PDE4D: variants seen among roughly 807,000 people sequenced by gnomAD.
PDE4D encodes the protein phosphodiesterase 4D, also known as 3',5'-cyclic-AMP phosphodiesterase 4D.
Under a neutral mutation model 87.4 loss-of-function variants are expected in PDE4D, and 24 were observed. The observed-to-expected ratio is 0.27, with a 90% CI of 0.20 to 0.39. PDE4D has a LOEUF of 0.39. Among genes scored for constraint, PDE4D ranks in the 10% least tolerant of loss-of-function variants. PDE4D has a pLI of 1.00. For synonymous variants in PDE4D, 384 were observed against 383.2 expected, an observed-to-expected ratio of 1.00 and a Z score of -0.02; for missense variants, 714 against 1,041.0, an observed-to-expected ratio of 0.69 and a Z score of 4.32.
intron 1 of PDE4D, among the ~76,000 whole-genome samples, chr5:59,765,703 A>G (rs549661391): frequency 2.0e-4 from 31 of 152,334 alleles, no homozygotes; most frequent in African/African-American, 7.5e-4. Flanking sequence ...ACAGGATGGT[A>G]GAATTCCAGG....
chr5:60,415,570 C>A (rs528106848), intron 1 of PDE4D, among the ~76,000 whole-genome samples: 31 of 152,360 alleles, frequency 2.0e-4, no homozygotes, highest in African/African-American at 7.2e-4. Context: ...GGCCCCGCCA[C>A]CCCGGGCAGT....
chr5:59,359,749 T>C (rs1781915195), intron 1 of PDE4D, among the ~76,000 whole-genome samples: 1 of 151,978 alleles, frequency 6.6e-6, no homozygotes, highest in Non-Finnish European at 1.5e-5. Flanking sequence ...CTAATTACTG[T>C]CATTTATTAA....
intron 1 of PDE4D, among the ~76,000 whole-genome samples, chr5:59,614,482 GCTT>G (rs1331283493): frequency 6.6e-6 from 1 of 152,116 alleles, no homozygotes; most frequent in African/African-American, 2.4e-5. Flanking sequence ...GTGCAGCATT[GCTT>G]CTATTATTGC....
chr5:58,978,841 C>T (rs1339732481), intron 11 of PDE4D, among the ~76,000 whole-genome samples: 1 of 151,842 alleles, frequency 6.6e-6, no homozygotes, highest in South Asian at 2.1e-4. Context: ...CCTTTATGAA[C>T]CTTTATCTAC....
intron 1 of PDE4D, among the ~76,000 whole-genome samples, chr5:59,392,135 G>C (rs1276882693): frequency 6.6e-6 from 1 of 151,832 alleles, no homozygotes; most frequent in Admixed American, 6.6e-5. Flanking sequence ...GTGAACTTGA[G>C]TGGATGGAAG....
intron 1 of PDE4D, among the ~76,000 whole-genome samples, chr5:60,503,083 C>T (rs867616423): frequency 2.4e-4 from 36 of 152,120 alleles, no homozygotes; most frequent in Middle Eastern, 3.4e-3. Flanking sequence ...ATCACTCAAA[C>T]GTCCATATCT....
chr5:59,970,936 A>G (rs1368269712), intron 3 of PDE4D, among the ~76,000 whole-genome samples: 10 of 150,440 alleles, frequency 6.6e-5, no homozygotes, highest in African/African-American at 2.4e-4. Context: ...TATTCACAAT[A>G]GCAAAGACTT....
chr5:60,381,914 G>C (rs995003680), intron 1 of PDE4D, among the ~76,000 whole-genome samples: 1 of 152,114 alleles, frequency 6.6e-6, no homozygotes, highest in Non-Finnish European at 1.5e-5. Flanking sequence ...AAACTTGGCT[G>C]TCTACATATG....
At chr5:58,996,728 T>C (rs1749325049) in intron 6 of PDE4D, among the ~76,000 whole-genome samples, 1 of 152,216 alleles carries the variant, frequency 6.6e-6, no homozygotes, top group Non-Finnish European at 1.5e-5. Context: ...ATATGCTACA[T>C]ATATTATTGG....
At chr5:59,316,924 T>C (rs1444019931) in intron 1 of PDE4D, among the ~76,000 whole-genome samples, 1 of 152,184 alleles carries the variant, frequency 6.6e-6, no homozygotes, top group Non-Finnish European at 1.5e-5. Context: ...CTCCAAAACC[T>C]GCCAGGTTCA....
intron 1 of PDE4D, among the ~76,000 whole-genome samples, chr5:59,603,782 T>G (rs1827830047): frequency 6.6e-6 from 1 of 151,920 alleles, no homozygotes; most frequent in Non-Finnish European, 1.5e-5. Context: ...GTGATATTGA[T>G]CAAAGGAAAC....
chr5:60,340,364 T>C (rs1263457040), intron 1 of PDE4D, among the ~76,000 whole-genome samples: 5 of 152,052 alleles, frequency 3.3e-5, no homozygotes, highest in Admixed American at 6.6e-5. Context: ...GAGTGGATAG[T>C]CTTCTCATCC....
intron 1 of PDE4D, among the ~76,000 whole-genome samples, chr5:59,733,479 A>C (rs1757665794): frequency 6.6e-6 from 1 of 152,088 alleles, no homozygotes; most frequent in Non-Finnish European, 1.5e-5. Context: ...GATGTACATG[A>C]ATTATAATCT....
At chr5:60,517,718 G>T (rs907018746) in intron 1 of PDE4D, among the ~76,000 whole-genome samples, 6 of 152,150 alleles carry the variant, frequency 3.9e-5, no homozygotes, top group Non-Finnish European at 8.8e-5. Flanking sequence ...CCCACTTCAG[G>T]TCTCCTGGGA....
At chr5:60,049,622 G>A (rs1157826799) in intron 2 of PDE4D, among the ~76,000 whole-genome samples, 5 of 152,208 alleles carry the variant, frequency 3.3e-5, no homozygotes, top group Non-Finnish European at 7.3e-5. Context: ...GGAGTACCCA[G>A]CCGTGTGAGG....
chr5:59,881,977 AG>A (rs751293801), intron 1 of PDE4D, among the ~76,000 whole-genome samples: 14 of 152,184 alleles, frequency 9.2e-5, no homozygotes, highest in Non-Finnish European at 1.9e-4. Context: ...CAAGACATAA[AG>A]AAGCACATAA....
intron 1 of PDE4D, among the ~76,000 whole-genome samples, chr5:59,848,502 A>G (rs1458267000): frequency 6.6e-6 from 1 of 152,074 alleles, no homozygotes; most frequent in Non-Finnish European, 1.5e-5. Context: ...AATGATGTTC[A>G]CAAAAAAATT....
intron 1 of PDE4D, among the ~76,000 whole-genome samples, chr5:59,229,472 C>A (rs1173358279): frequency 2.0e-5 from 3 of 152,160 alleles, no homozygotes; most frequent in Admixed American, 2.0e-4. Context: ...GAATATCCTT[C>A]TGTTTGAACA....
intron 1 of PDE4D, among the ~76,000 whole-genome samples, chr5:59,449,126 T>C (rs944488056): frequency 2.6e-5 from 4 of 152,242 alleles, no homozygotes; most frequent in African/African-American, 4.8e-5. Flanking sequence ...TTAGCAGTCC[T>C]GTGTTCCACT....
Sources: gnomAD v4.1 joint callset for allele counts (sites outside exome capture counted in the v4.1 genomes callset) on GRCh38, gnomAD v4.1.1 for gene constraint, MANE v1.5 for transcripts, NCBI Gene and HGNC (gene_info 2026-07-23, HGNC 2026-07-21) for gene names.